Variants in OC90 observed in about 807,000 individuals in gnomAD.
OC90 encodes otoconin-90.
Under a neutral mutation model 47.3 loss-of-function variants are expected in OC90, and 46 were observed. The observed-to-expected ratio is 0.97, with a 90% CI of 0.77 to 1.24. The LOEUF (loss-of-function observed/expected upper bound fraction) is 1.24, where lower values mean the gene tolerates loss of function less well. OC90 is among the 50% of genes most tolerant of loss of function. OC90 has a pLI of 0.00. For synonymous variants in OC90, 271 were observed against 219.5 expected, an observed-to-expected ratio of 1.23 and a Z score of -2.07; for missense variants, 688 against 583.9, an observed-to-expected ratio of 1.18 and a Z score of -1.84.
rs193137099 is a variant in OC90, at chr8:132,033,112, G to A, written c.786C>T (p.Val262=). ...GCCCCAGAGATTTAATGCCAGCAGG[G>A]ACAAGGGTTACAATTTTAGCTGTAA... is the stretch of plus-strand genomic sequence containing the variant. ...TRVTAKIVTL[V]PAGIKSLGLA... The change falls in exon 11 of 14, where the codon GTC becomes GTT. Residue 262 remains valine, a synonymous_variant. Transcript: ENST00000254627. The A allele has an allele frequency of 6.2e-7, 1 of 1,608,796 alleles. No homozygotes were observed. Among genetic ancestry groups the A allele is most frequent in the Non-Finnish European group, 8.5e-7 (1 of 1,177,554 alleles).
At chr8:132,044,578 C>T (rs1823104898) in intron 3 of OC90, 89 bp from the exon 4 acceptor site, 1 of 741,042 alleles carries the variant, frequency 1.3e-6, no homozygotes, top group East Asian at 2.7e-5. Flanking sequence ...GTACATAAAA[C>T]CTTTCTTCAT....
chr8:132,033,193 T>G, intron 10 of OC90, 29 bp from the exon 11 acceptor site: 2 of 1,595,318 alleles, frequency 1.3e-6, no homozygotes, highest in Non-Finnish European at 1.7e-6. Flanking sequence ...ATGATTCGGA[T>G]TCAAAAAGTG....
At position 132,024,372 on chromosome 8, in the gene OC90, T is replaced by G; in HGVS notation, c.*109A>C. ...CCTCTGTTCCCTCCCCGCCTCTGAG[T>G]TAAAGGAAGGGAAGAAGGCTCCAAG... On this transcript the variant is annotated 3_prime_UTR_variant, in exon 14 of 14. Transcript: ENST00000254627. 1.1e-6 allele frequency: 1 copy of G among 905,854 alleles called. No individual in the cohort carries two copies. Among genetic ancestry groups the G allele is most frequent in the Non-Finnish European group, 1.6e-6 (1 of 618,116 alleles). 56.1% of individuals were successfully genotyped at this position (905,854 alleles called of 1,614,324 possible).
At chr8:132,035,748 G>A (rs10808596) in intron 9 of OC90, among the ~76,000 whole-genome samples, 53,401 of 151,984 alleles carry the variant, frequency 0.35, 10,038 homozygotes, top group East Asian at 0.51. Flanking sequence ...GACTCAGAAC[G>A]AAAGGACTAT....
At chr8:132,033,431 G>A (rs934977872) in intron 10 of OC90, among the ~76,000 whole-genome samples, 1 of 152,156 alleles carries the variant, frequency 6.6e-6, no homozygotes, top group Non-Finnish European at 1.5e-5. Flanking sequence ...AGGCTCCCAG[G>A]CTTGTGTTTG....
chr8:132,033,378 TG>T (rs1226469871), intron 10 of OC90, among the ~76,000 whole-genome samples: 1 of 152,214 alleles, frequency 6.6e-6, no homozygotes, highest in East Asian at 1.9e-4. Flanking sequence ...GTCGGGAGCC[TG>T]TGCTAGACCA....
chr8:132,052,496 T>A (rs1222845336), intron 2 of OC90, among the ~76,000 whole-genome samples: 1 of 152,222 alleles, frequency 6.6e-6, no homozygotes, highest in Admixed American at 6.5e-5. Flanking sequence ...GGAGATAATC[T>A]TATTACCTAT....
At chr8:132,038,871 GGGTTT>G in intron 7 of OC90, 40 bp from the exon 8 acceptor site, 1 of 1,609,562 alleles carries the variant, frequency 6.2e-7, no homozygotes, top group East Asian at 2.2e-5. Context: ...TGAGAGCAGT[GGGTTT>G]GAGGGAGGGT....
In OC90 at chr8:132,029,097, C is replaced by A. The variant is rs765902429; in HGVS notation, c.1114G>T (p.Val372Leu). The change falls in exon 13 of 14, where the codon GTG (valine) becomes TTG (leucine). Residue 372 changes from valine (V) to leucine (L), a missense_variant. Val to Leu is a conservative substitution (Grantham distance 32). Coordinates refer to ENST00000254627, the MANE Select transcript of OC90 (RefSeq NM_001080399.3). Reference protein sequence around the residue: ...LLERLPWSPVVCVDHTPKCGG... With the variant: ...LLERLPWSPVLCVDHTPKCGG... ...CACTTGGGCGTATGATCCACACACA[C>A]CACCGGTGACCAAGGAAGCCTCTCA... is the stretch of plus-strand genomic sequence containing the variant. 14 of 1,613,604 alleles carry A rather than the reference C, an allele frequency of 8.7e-6. No homozygotes were observed. The highest frequency in any genetic ancestry group is 1.2e-5 in the Non-Finnish European group (14 of 1,179,624).
chr8:132,041,793 G>A, intron 4 of OC90, 94 bp from the exon 5 acceptor site: 1 of 675,636 alleles, frequency 1.5e-6, no homozygotes, highest in Non-Finnish European at 2.5e-6. Context: ...CAGGCTGATG[G>A]TGCCTTATCA....
intron 1 of OC90, among the ~76,000 whole-genome samples, chr8:132,056,691 G>C (rs1427788123): frequency 6.6e-6 from 1 of 152,190 alleles, no homozygotes; most frequent in Non-Finnish European, 1.5e-5. Context: ...AAAATTAAGG[G>C]GGAGACAAGA....
intron 9 of OC90, chr8:132,036,531 G>A (rs1216586012): frequency 5.4e-6 from 4 of 745,828 alleles, no homozygotes; most frequent in South Asian, 1.4e-5. Flanking sequence ...AGGGTAATCC[G>A]ATCAGGGCAT....
At chr8:132,034,707 A>AT (rs1822929118) in intron 10 of OC90, 74 bp downstream of exon 10, 1 of 1,007,666 alleles carries the variant, frequency 9.9e-7, no homozygotes, top group Admixed American at 2.1e-5. Flanking sequence ...AACCCAGTTG[A>AT]TATCATAAAT....
intron 9 of OC90, among the ~76,000 whole-genome samples, chr8:132,037,170 C>A (rs1156258203): frequency 6.6e-6 from 1 of 152,226 alleles, no homozygotes. Flanking sequence ...CTGTGGCTCA[C>A]AAAGCCTAAA....
Position 132,041,472 on chromosome 8 carries a change from G to A in OC90, c.344+53C>T, listed in dbSNP as rs1371507220. On this transcript the variant is annotated intron_variant, in intron 5 of 13. Transcript: ENST00000254627. ...GTGCTCTTGCCAAGGTATCAGCCAG[G>A]CCTCCCATGAGCTCACTTTTTTTGG... 40 of 1,512,756 alleles carry A rather than the reference G, an allele frequency of 2.6e-5. 1 individual carries two copies. The East Asian group carries it at 8.1e-4, about 31-fold the overall frequency. 93.7% of individuals were successfully genotyped at this position (1,512,756 alleles called of 1,614,324 possible).
chr8:132,045,861 T>C lies in OC90; in HGVS notation c.69A>G (p.Pro23=). ...PHAGGHPLDT[P]HLPQELPPGL... ...CTGGAGGCAGCTCCTGTGGAAGATG[T>C]GGAGTGTCCAGAGGATGGCCTCCTA... The change falls in exon 3 of 14, where the codon CCA becomes CCG. Residue 23 remains proline (P), a synonymous_variant. Coordinates refer to ENST00000254627, the MANE Select transcript of OC90 (RefSeq NM_001080399.3). The C allele has an allele frequency of 6.5e-7, 1 of 1,545,158 alleles. No individual in the cohort carries two copies. The highest frequency in any genetic ancestry group is 8.8e-7 in the Non-Finnish European group (1 of 1,140,934).
intron 5 of OC90, 133 bp downstream of exon 5, chr8:132,041,392 G>A: frequency 1.4e-6 from 1 of 736,282 alleles, no homozygotes; most frequent in South Asian, 1.9e-5. Flanking sequence ...CCAACTAGTA[G>A]GTAGTGGAAT....
chr8:132,054,616 T>C lies in OC90; in HGVS notation c.46+365A>G, dbSNP rs986227731. On this transcript the variant is annotated intron_variant, in intron 2 of 13. Coordinates refer to ENST00000254627, the MANE Select transcript of OC90 (RefSeq NM_001080399.3). Reference sequence around the variant, plus strand: ...GGGCTGCAGGTCAAGCATGTTCAATTCACATGTAAATGGATACGATTGCAC... The same window carrying C: ...GGGCTGCAGGTCAAGCATGTTCAATCCACATGTAAATGGATACGATTGCAC... Among the ~76,000 whole-genome samples, 18 of 152,212 alleles carry C rather than the reference T, an allele frequency of 1.2e-4. 1 individual carries two copies. The highest frequency in any genetic ancestry group is 4.3e-4 in the African/African-American group (18 of 41,456).
intron 12 of OC90, among the ~76,000 whole-genome samples, chr8:132,030,094 G>A (rs184470228): frequency 1.9e-3 from 294 of 152,264 alleles, no homozygotes; most frequent in African/African-American, 6.9e-3. Flanking sequence ...AGAGTTCAGC[G>A]TCTACCTCCT....
Sources: allele counts gnomAD v4.1 joint callset (sites outside exome capture counted in the v4.1 genomes callset), GRCh38; gene constraint gnomAD v4.1.1; transcripts MANE v1.5; gene names NCBI Gene and HGNC (gene_info 2026-07-23, HGNC 2026-07-21).